MARCHF3: variants seen among roughly 807,000 people sequenced by gnomAD.
The protein encoded by MARCHF3 is E3 ubiquitin-protein ligase MARCHF3.
In MARCHF3, 13 loss-of-function variants were observed where a neutral mutation model predicts 24.2. The observed-to-expected ratio is 0.54, with a 90% CI of 0.35 to 0.85. The LOEUF is 0.85. Ranked by LOEUF, MARCHF3 falls within the 40% of genes least tolerant of loss-of-function variation. The pLI is 0.01. For synonymous variants in MARCHF3, 144 were observed against 137.3 expected, an observed-to-expected ratio of 1.05 and a Z score of -0.34; for missense variants, 276 against 325.0, an observed-to-expected ratio of 0.85 and a Z score of 1.16.
chr5:126,976,760 C>T (rs538016332), intron 1 of MARCHF3, among the ~76,000 whole-genome samples: 2 of 152,356 alleles, frequency 1.3e-5, no homozygotes, highest in South Asian at 2.1e-4. Context: ...GCTCTCTCTC[C>T]CTCTGGGAAT....
At chr5:126,907,044 C>T (rs1754324169) in intron 3 of MARCHF3, among the ~76,000 whole-genome samples, 1 of 151,906 alleles carries the variant, frequency 6.6e-6, no homozygotes, top group Non-Finnish European at 1.5e-5. Context: ...TTTCAAAGAA[C>T]ATCTTTATTT....
At chr5:126,927,408 ACCTCTTT>A (rs1189960652) in intron 1 of MARCHF3, among the ~76,000 whole-genome samples, 18 of 152,142 alleles carry the variant, frequency 1.2e-4, no homozygotes, top group African/African-American at 3.9e-4. Flanking sequence ...TCTTTAGGGA[ACCTCTTT>A]AGGGAACCTC....
At chr5:126,881,898 G>GCTGTCTGGGGAGACAT (rs1199260137) in intron 3 of MARCHF3, among the ~76,000 whole-genome samples, 10 of 152,110 alleles carry the variant, frequency 6.6e-5, no homozygotes, top group African/African-American at 2.4e-4. Flanking sequence ...GACAGACAAG[G>GCTGTCTGGGGAGACAT]CTGTCAGGGG....
intron 1 of MARCHF3, among the ~76,000 whole-genome samples, chr5:126,985,377 G>A (rs1751527818): frequency 6.6e-6 from 1 of 151,726 alleles, no homozygotes; most frequent in African/African-American, 2.4e-5. Context: ...TTACAGTTCT[G>A]TGTGCTCTTA....
chr5:126,895,485 T>G (rs1354018532), intron 3 of MARCHF3, among the ~76,000 whole-genome samples: 1 of 152,010 alleles, frequency 6.6e-6, no homozygotes, highest in Non-Finnish European at 1.5e-5. Context: ...TACAGATGGG[T>G]TTTTGGTGTG....
intron 1 of MARCHF3, among the ~76,000 whole-genome samples, chr5:127,005,547 C>T: frequency 6.6e-6 from 1 of 152,138 alleles, no homozygotes; most frequent in Non-Finnish European, 1.5e-5. Context: ...GAGTCCATAA[C>T]AACAGCCATC....
intron 1 of MARCHF3, among the ~76,000 whole-genome samples, chr5:127,016,578 A>C (rs901186919): frequency 1.3e-5 from 2 of 152,250 alleles, no homozygotes; most frequent in Non-Finnish European, 2.9e-5. Context: ...CATGCCAGTT[A>C]GAATGGAGAT....
chr5:126,916,688 G>GACACAC (rs756972169), intron 2 of MARCHF3, among the ~76,000 whole-genome samples: 1,127 of 76,312 alleles, frequency 0.015, 11 homozygotes, highest in South Asian at 0.06. Context: ...CAGACAGACA[G>GACACAC]ACAGACACAC....
chr5:127,002,311 A>G (rs1354492980), intron 1 of MARCHF3, among the ~76,000 whole-genome samples: 1 of 152,196 alleles, frequency 6.6e-6, no homozygotes, highest in Non-Finnish European at 1.5e-5. Context: ...TTTTTACAAA[A>G]TATTTGTTAG....
chr5:126,924,174 T>C (rs1301490948), intron 1 of MARCHF3, among the ~76,000 whole-genome samples: 2 of 152,310 alleles, frequency 1.3e-5, no homozygotes, highest in South Asian at 2.1e-4. Flanking sequence ...GGCCCTAAGT[T>C]TGGGGACCCA....
At chr5:126,938,366 C>A (rs558619418) in intron 1 of MARCHF3, among the ~76,000 whole-genome samples, 2 of 151,850 alleles carry the variant, frequency 1.3e-5, no homozygotes, top group Admixed American at 1.3e-4. Context: ...CAGAGTTTCA[C>A]CATGTTGGCC....
At chr5:126,916,692 GACACACACACAC>G (rs34090036) in intron 2 of MARCHF3, among the ~76,000 whole-genome samples, 45 of 130,560 alleles carry the variant, frequency 3.4e-4, no homozygotes, top group Non-Finnish European at 5.3e-4. Flanking sequence ...CAGACAGACA[GACACACACACAC>G]ACACACACAC....
At chr5:126,900,996 G>A (rs924605231) in intron 3 of MARCHF3, among the ~76,000 whole-genome samples, 4 of 151,996 alleles carry the variant, frequency 2.6e-5, no homozygotes, top group Admixed American at 6.6e-5. Flanking sequence ...ATGAGCCACC[G>A]TGCCTGGACC....
At chr5:126,879,218 T>G (rs1433287058) in intron 3 of MARCHF3, among the ~76,000 whole-genome samples, 2 of 152,244 alleles carry the variant, frequency 1.3e-5, no homozygotes, top group African/African-American at 2.4e-5. Flanking sequence ...TTGTTTCTCC[T>G]GGACTTCACC....
Position 126,870,636 on chromosome 5 carries a change from A to G in MARCHF3, c.759T>C (p.Val253=), listed in dbSNP as rs1328776175. The G allele has an allele frequency of 3.1e-6, 5 of 1,614,068 alleles. No individual in the cohort carries two copies. The highest frequency in any genetic ancestry group is 4.2e-6 in the Non-Finnish European group (5 of 1,179,972). The change falls in exon 5 of 5, where the codon GTT becomes GTC. Residue 253 remains valine, a synonymous_variant. Transcript: ENST00000308660. ...SVKRNSKETV[V] ...CAACCAACCAACCATACAAACATCA[A>G]ACAACTGTCTCCTTTGAGTTCCTCT...
At chr5:126,925,842 ATGT>A (rs2126800430) in intron 1 of MARCHF3, among the ~76,000 whole-genome samples, 1 of 152,320 alleles carries the variant, frequency 6.6e-6, no homozygotes, top group East Asian at 1.9e-4. Flanking sequence ...AAAAATTAAA[ATGT>A]ACTCTTCAAA....
At chr5:126,991,158 T>C (rs1015966631) in intron 1 of MARCHF3, among the ~76,000 whole-genome samples, 3 of 152,162 alleles carry the variant, frequency 2.0e-5, no homozygotes, top group Non-Finnish European at 4.4e-5. Flanking sequence ...CAAATGTCCA[T>C]CAATGATAGA....
chr5:126,900,222 C>A (rs1754058484), intron 3 of MARCHF3, among the ~76,000 whole-genome samples: 1 of 152,008 alleles, frequency 6.6e-6, no homozygotes, highest in Non-Finnish European at 1.5e-5. Flanking sequence ...TCTATGTGTG[C>A]ATAGGTTCAT....
At chr5:126,960,364 A>G (rs1051987820) in intron 1 of MARCHF3, among the ~76,000 whole-genome samples, 4 of 152,166 alleles carry the variant, frequency 2.6e-5, no homozygotes, top group South Asian at 4.1e-4. Flanking sequence ...TTAGTTTAAT[A>G]GTCATAATGC....
Sources: gnomAD v4.1 joint callset for allele counts (sites outside exome capture counted in the v4.1 genomes callset) on GRCh38, gnomAD v4.1.1 for gene constraint, MANE v1.5 for transcripts, NCBI Gene and HGNC (gene_info 2026-07-23, HGNC 2026-07-21) for gene names.